DDAH1: variants seen among roughly 807,000 people sequenced by gnomAD.
DDAH1 encodes N(G),N(G)-dimethylarginine dimethylaminohydrolase 1.
DDAH1 carries 19 observed loss-of-function variants against 28.8 expected under a neutral mutation model. The observed-to-expected ratio is 0.66, with a 90% confidence interval of 0.46 to 0.97. The LOEUF (loss-of-function observed/expected upper bound fraction) is 0.97. DDAH1 is among the 50% of genes least tolerant of loss of function. The pLI is 0.00. For synonymous variants in DDAH1, 153 were observed against 154.4 expected, an observed-to-expected ratio of 0.99 and a Z score of 0.07; for missense variants, 326 against 375.9, an observed-to-expected ratio of 0.87 and a Z score of 1.10.
At chr1:85,351,370 A>G in intron 3 of DDAH1, 136 bp downstream of exon 3, 1 of 703,532 alleles carries the variant, frequency 1.4e-6, no homozygotes, top group Non-Finnish European at 2.3e-6. Context: ...AACTTCTAGT[A>G]AATGTACAAA....
At chr1:85,558,685 G>A (rs529055906) in intron 1 of DDAH1, among the ~76,000 whole-genome samples, 14 of 151,998 alleles carry the variant, frequency 9.2e-5, no homozygotes, top group Non-Finnish European at 1.5e-4. Context: ...AGTTTTAAAA[G>A]TAATAATGCT....
At chr1:85,373,500 G>A (rs539662481) in intron 1 of DDAH1, among the ~76,000 whole-genome samples, 2 of 152,098 alleles carry the variant, frequency 1.3e-5, no homozygotes, top group South Asian at 2.1e-4. Context: ...GAGTTCTCAC[G>A]AGATCTGATG....
At chr1:85,485,126 C>T (rs556541240) in intron 2 of DDAH1, among the ~76,000 whole-genome samples, 4 of 152,278 alleles carry the variant, frequency 2.6e-5, no homozygotes, top group African/African-American at 9.6e-5. Flanking sequence ...TGTTTAATAT[C>T]ACATAATGCT....
At chr1:85,406,793 G>C (rs1291469292) in intron 1 of DDAH1, among the ~76,000 whole-genome samples, 1 of 151,666 alleles carries the variant, frequency 6.6e-6, no homozygotes, top group Non-Finnish European at 1.5e-5. Context: ...ATTCATAAAG[G>C]GCAAGCTGAA....
upstream of DDAH1, among the ~76,000 whole-genome samples, chr1:85,468,464 G>T (rs1655461171): frequency 6.6e-6 from 1 of 151,864 alleles, no homozygotes; most frequent in Non-Finnish European, 1.5e-5. Flanking sequence ...GACGAAAGAA[G>T]AGCAAAGGGA....
chr1:85,572,161 C>T (rs1388110424), intron 1 of DDAH1, among the ~76,000 whole-genome samples: 1 of 152,004 alleles, frequency 6.6e-6, no homozygotes, highest in East Asian at 1.9e-4. Flanking sequence ...TTCTTTTTTC[C>T]TCCCAGAGGA....
At chr1:85,509,548 AG>A (rs1181651376) in intron 1 of DDAH1, among the ~76,000 whole-genome samples, 2 of 152,228 alleles carry the variant, frequency 1.3e-5, no homozygotes, top group African/African-American at 2.4e-5. Flanking sequence ...TCTGAGCTAA[AG>A]GAGGATGTTC....
intron 1 of DDAH1, among the ~76,000 whole-genome samples, chr1:85,562,549 G>C (rs1005497954): frequency 2.0e-5 from 3 of 152,094 alleles, no homozygotes; most frequent in South Asian, 2.1e-4. Context: ...AATTGGGATG[G>C]ACCTAATCCA....
chr1:85,464,634 G>T lies in DDAH1; in HGVS notation c.303+109C>A. ...CACTCGCCCCCCGACGGGAAGTTGTGAACTACTAGCCCGAGGGCCAATGGC... is the reference window on the plus strand; with the variant it reads ...CACTCGCCCCCCGACGGGAAGTTGTTAACTACTAGCCCGAGGGCCAATGGC... On this transcript the variant is annotated intron_variant, in intron 1 of 5. Coordinates refer to ENST00000284031, the MANE Select transcript of DDAH1 (RefSeq NM_012137.4). This position sits in a 1 kb window ranked among gnomAD's most constrained non-coding sequence, Gnocchi z 4.4. 2 of 1,510,306 alleles carry T rather than the reference G, an allele frequency of 1.3e-6. No homozygotes were observed. The highest frequency in any genetic ancestry group is 1.8e-6 in the Non-Finnish European group (2 of 1,132,064). 93.6% of individuals were successfully genotyped at this position (1,510,306 alleles called of 1,614,324 possible). A position where few individuals can be genotyped will look rare whatever the true frequency, so the allele number is the denominator to read the frequency against.
intron 1 of DDAH1, among the ~76,000 whole-genome samples, chr1:85,499,565 C>T (rs1414501145): frequency 6.6e-6 from 1 of 151,880 alleles, no homozygotes; most frequent in Non-Finnish European, 1.5e-5. Context: ...ATCCCACCTA[C>T]TTGGGAGGCT....
upstream of DDAH1, chr1:85,465,181 G>A: frequency 1.8e-6 from 2 of 1,139,712 alleles, no homozygotes; most frequent in South Asian, 8.5e-5. Context: ...AGCCCAGCTC[G>A]CGCCCGGAGC....
intron 2 of DDAH1, among the ~76,000 whole-genome samples, chr1:85,491,231 T>C (rs542033801): frequency 6.6e-6 from 1 of 152,034 alleles, no homozygotes; most frequent in East Asian, 1.9e-4. Flanking sequence ...TGTATTTCTG[T>C]AGAGATGAGG....
Position 85,350,406 on chromosome 1 carries a change from T to C in DDAH1, c.597+9A>G. On this transcript the variant is annotated intron_variant, in intron 4 of 5. Transcript: ENST00000284031. ...ACTACATTTAGAAGGAGCACAGTTT[T>C]GTATTTACCTTAAGGGCCTTCTGTG... is the stretch of plus-strand genomic sequence containing the variant. The C allele has an allele frequency of 6.2e-7, 1 of 1,611,710 alleles. No homozygotes were observed. Among genetic ancestry groups the C allele is most frequent in the South Asian group, 1.1e-5 (1 of 90,562 alleles).
rs1491298706 is a variant in DDAH1, at chr1:85,570,395, CAT to C, written c.-123+7587_-123+7588del. 3.1e-4 allele frequency among the ~76,000 whole-genome samples: 47 copies of C among 150,700 alleles called. 2 individuals are homozygous for C. The East Asian group carries it at 7.5e-3, about 24-fold the overall frequency. On this transcript the variant is annotated intron_variant, in intron 1 of 6. Transcript: ENST00000426972. ...ACACACACACACACACACACACACA[CAT>C]CTCAGTGCACTTATCTAACACCTTC...
upstream of DDAH1, among the ~76,000 whole-genome samples, chr1:85,468,041 T>A (rs996181003): frequency 2.6e-5 from 4 of 152,140 alleles, no homozygotes; most frequent in Non-Finnish European, 5.9e-5. Flanking sequence ...CTTAAATAAT[T>A]TTTGGATGTG....
chr1:85,546,398 TCAG>T (rs1432426715), intron 1 of DDAH1, among the ~76,000 whole-genome samples: 2 of 152,210 alleles, frequency 1.3e-5, no homozygotes, highest in Non-Finnish European at 2.9e-5. Flanking sequence ...ATTGAAATTC[TCAG>T]CCTTCAGAAC....
At chr1:85,351,675 GTT>G (rs1649217419) in intron 2 of DDAH1, 96 bp from the exon 3 acceptor site, 1 of 900,008 alleles carries the variant, frequency 1.1e-6, no homozygotes, top group African/African-American at 1.7e-5. Context: ...GCATCACACA[GTT>G]CTCTCTTACC....
At chr1:85,391,242 G>T (rs1262928968) in intron 1 of DDAH1, among the ~76,000 whole-genome samples, 8 of 151,980 alleles carry the variant, frequency 5.3e-5, no homozygotes, top group Non-Finnish European at 8.8e-5. Context: ...TATACTCTTC[G>T]GACAAAAACA....
intron 1 of DDAH1, among the ~76,000 whole-genome samples, chr1:85,573,597 A>C (rs1044143915): frequency 6.6e-5 from 10 of 152,204 alleles, no homozygotes; most frequent in African/African-American, 2.4e-4. Context: ...GGAGAAAATA[A>C]ACAGATAAGA....
Sources: gnomAD v4.1 joint callset for allele counts (sites outside exome capture counted in the v4.1 genomes callset) on GRCh38, gnomAD v4.1.1 for gene constraint, Gnocchi (gnomAD v3.1) non-coding constraint, MANE v1.5 for transcripts, NCBI Gene and HGNC (gene_info 2026-07-23, HGNC 2026-07-21) for gene names.